EEA1: variants seen among roughly 807,000 people sequenced by gnomAD.
The protein encoded by EEA1 is early endosome antigen 1, 162kD.
In EEA1, 111 loss-of-function variants were observed where a neutral mutation model predicts 209.2. The observed-to-expected ratio is 0.53, with a 90% confidence interval of 0.45 to 0.62. The LOEUF is 0.62. Among genes scored for constraint, EEA1 ranks in the 20% least tolerant of loss-of-function variants. EEA1 has a pLI of 0.00. For missense variants in EEA1, 1,343 were observed against 1,530.8 expected (o/e 0.88, Z 2.05); for synonymous variants, 536 against 540.6 (o/e 0.99, Z 0.12).
intron 1 of EEA1, among the ~76,000 whole-genome samples, chr12:92,903,450 T>A (rs568424031): frequency 6.6e-6 from 1 of 151,286 alleles, no homozygotes; most frequent in Non-Finnish European, 1.5e-5. Context: ...ATATAAAAAT[T>A]AGCCAGGCGT....
intron 3 of EEA1, among the ~76,000 whole-genome samples, chr12:92,860,980 C>T (rs1878122129): frequency 6.6e-6 from 1 of 151,840 alleles, no homozygotes; most frequent in Non-Finnish European, 1.5e-5. Flanking sequence ...GGGAAATACA[C>T]ACAACACACA....
chr12:92,893,813 T>C (rs556178732), intron 1 of EEA1, among the ~76,000 whole-genome samples: 16 of 152,326 alleles, frequency 1.1e-4, no homozygotes, highest in East Asian at 5.8e-4. Context: ...AAATGTTTTA[T>C]GTTAAAGATA....
intron 1 of EEA1, among the ~76,000 whole-genome samples, chr12:92,909,113 T>C (rs1465614799): frequency 5.3e-5 from 8 of 152,196 alleles, no homozygotes; most frequent in African/African-American, 1.9e-4. Context: ...CCCAGCCCTG[T>C]TTCTTAACAA....
At position 92,813,471 on chromosome 12, in the gene EEA1, C is replaced by T. The variant is rs572065022; in HGVS notation, c.1930-378G>A. On this transcript the variant is annotated intron_variant, in intron 15 of 28. Coordinates refer to ENST00000322349, the MANE Select transcript of EEA1 (RefSeq NM_003566.4). ...ACCATGCCCCAAAAAATGATTACTC[C>T]GAAGATAATCAAGAATTACAGAATT... Among the ~76,000 whole-genome samples the T allele has an allele frequency of 6.2e-4, 94 of 152,228 alleles. No individual in the cohort carries two copies. In the Middle Eastern group the frequency reaches 0.02, roughly 33 times the overall value.
At chr12:92,928,684 CGGCT>C (rs1279966092) in intron 1 of EEA1, among the ~76,000 whole-genome samples, 1 of 152,138 alleles carries the variant, frequency 6.6e-6, no homozygotes, top group Non-Finnish European at 1.5e-5. Flanking sequence ...CGGCAGGCGG[CGGCT>C]GGCCCGTCCC....
intron 2 of EEA1, among the ~76,000 whole-genome samples, chr12:92,873,987 C>G (rs995788240): frequency 3.9e-5 from 6 of 152,018 alleles, no homozygotes; most frequent in African/African-American, 1.4e-4. Context: ...ACCACAGTCT[C>G]AAGTGCTAGA....
intron 1 of EEA1, among the ~76,000 whole-genome samples, chr12:92,915,609 T>G (rs897795480): frequency 6.6e-6 from 1 of 152,258 alleles, no homozygotes; most frequent in Non-Finnish European, 1.5e-5. Flanking sequence ...TGCTATCTAA[T>G]GGTAGAGTTG....
chr12:92,809,260 C>CAAA (rs60540376), intron 17 of EEA1, 104 bp from the exon 18 acceptor site: 1,013 of 682,226 alleles, frequency 1.5e-3, no homozygotes, highest in Non-Finnish European at 1.9e-3. Flanking sequence ...GTGTGACATA[C>CAAA]AAAAAAAAAT....
intron 13 of EEA1, among the ~76,000 whole-genome samples, chr12:92,822,764 G>GTT (rs1876118007): frequency 6.6e-6 from 1 of 151,986 alleles, no homozygotes; most frequent in East Asian, 1.9e-4. Flanking sequence ...ATATTCTGAT[G>GTT]TCTCTCTCGG....
chr12:92,840,680 G>T (rs1256217301), intron 10 of EEA1, among the ~76,000 whole-genome samples: 1 of 152,160 alleles, frequency 6.6e-6, no homozygotes, highest in African/African-American at 2.4e-5. Flanking sequence ...CAAAGTTGAA[G>T]GCTTATCTTC....
Position 92,786,599 on chromosome 12 carries a change from T to A in EEA1, c.3150+1268A>T, listed in dbSNP as rs575821234. Among the ~76,000 whole-genome samples, 14 of 152,208 alleles carry A rather than the reference T, an allele frequency of 9.2e-5. No individual in the cohort carries two copies. In the South Asian group the frequency reaches 1.7e-3, roughly 18 times the overall value. ...CTCTCTCCCATTAATCTCTATTTCA[T>A]CCTCTTTAATGTTCATCCCAGTTCT... is the stretch of plus-strand genomic sequence containing the variant. On this transcript the variant is annotated intron_variant, in intron 22 of 28. Coordinates refer to ENST00000322349, the MANE Select transcript of EEA1 (RefSeq NM_003566.4).
At chr12:92,916,003 A>T (rs1483898096) in intron 1 of EEA1, among the ~76,000 whole-genome samples, 3 of 152,210 alleles carry the variant, frequency 2.0e-5, no homozygotes, top group Non-Finnish European at 2.9e-5. Context: ...AGTTCCTAGT[A>T]CCTAAATTGA....
At chr12:92,864,820 A>G (rs1878302003) in intron 3 of EEA1, 40 bp downstream of exon 3, 4 of 1,481,560 alleles carry the variant, frequency 2.7e-6, no homozygotes, top group Non-Finnish European at 3.6e-6. Flanking sequence ...TACCACATGC[A>G]TATTCCATAA....
At chr12:92,782,288 A>C (rs1364202370) in intron 22 of EEA1, among the ~76,000 whole-genome samples, 153 bp from the exon 23 acceptor site, 1 of 152,254 alleles carries the variant, frequency 6.6e-6, no homozygotes, top group Non-Finnish European at 1.5e-5. Context: ...AAAGAATTCT[A>C]AAATATTAAC....
intron 6 of EEA1, among the ~76,000 whole-genome samples, chr12:92,853,524 C>T (rs571620642): frequency 2.0e-5 from 3 of 152,084 alleles, no homozygotes; most frequent in East Asian, 1.9e-4. Context: ...AGTTATAAAG[C>T]GGGATGTTGG....
chr12:92,858,435 G>C (rs879026162), intron 3 of EEA1: 1 of 1,230,838 alleles, frequency 8.1e-7, no homozygotes. Flanking sequence ...AGATATTTCT[G>C]AAGGTGTTCA....
At chr12:92,829,788 A>G (rs1052900839) in intron 11 of EEA1, among the ~76,000 whole-genome samples, 5 of 140,614 alleles carry the variant, frequency 3.6e-5, no homozygotes, top group African/African-American at 1.3e-4. Flanking sequence ...TAAAAAAAAA[A>G]AAAAAAAACA....
chr12:92,797,315 T>C (rs1874699650), intron 21 of EEA1, among the ~76,000 whole-genome samples: 2 of 152,194 alleles, frequency 1.3e-5, no homozygotes. Flanking sequence ...CTCGAACTCC[T>C]GACCTTAAGT....
Position 92,877,636 on chromosome 12 carries a change from C to A in EEA1, c.118-12649G>T, listed in dbSNP as rs375201019. ...CTCCACCTTCTGGGTTCAAGTGATT[C>A]TCCTGCTTCAGCCTCCTGAGTAGCT... On this transcript the variant is annotated intron_variant, in intron 2 of 28. Coordinates refer to ENST00000322349, the MANE Select transcript of EEA1 (RefSeq NM_003566.4). Among the ~76,000 whole-genome samples the A allele has an allele frequency of 7.0e-4, 106 of 152,176 alleles. 1 individual carries two copies. The South Asian group carries it at 0.022, about 31-fold the overall frequency.
Sources: allele counts gnomAD v4.1 joint callset (sites outside exome capture counted in the v4.1 genomes callset), GRCh38; gene constraint gnomAD v4.1.1; transcripts MANE v1.5; gene names NCBI Gene and HGNC (gene_info 2026-07-23, HGNC 2026-07-21).